Variants in DGKB observed in about 807,000 individuals in gnomAD.
DGKB encodes diacylglycerol kinase beta.
Under a neutral mutation model 114.3 loss-of-function variants are expected in DGKB, and 67 were observed. The observed-to-expected ratio is 0.59, with a 90% CI of 0.48 to 0.72. The LOEUF (loss-of-function observed/expected upper bound fraction) is 0.72. Ranked by LOEUF, DGKB falls within the 30% of genes least tolerant of loss-of-function variation. The pLI is 0.00. For missense variants in DGKB, 907 were observed against 975.2 expected, an observed-to-expected ratio of 0.93 and a Z score of 0.93; for synonymous variants, 398 against 323.1, an observed-to-expected ratio of 1.23 and a Z score of -2.49.
At chr7:14,919,708 T>C (rs544474773) in intron 1 of DGKB, among the ~76,000 whole-genome samples, 2 of 152,280 alleles carry the variant, frequency 1.3e-5, no homozygotes, top group East Asian at 1.9e-4. Flanking sequence ...ATCCCCAGTG[T>C]TGGAGGTGGG....
chr7:14,199,439 G>T (rs1252400872), intron 23 of DGKB, among the ~76,000 whole-genome samples: 1 of 151,976 alleles, frequency 6.6e-6, no homozygotes, highest in East Asian at 1.9e-4. Flanking sequence ...GACACCTCCG[G>T]AAAGGGCAAA....
intron 2 of DGKB, among the ~76,000 whole-genome samples, chr7:14,774,744 T>C (rs756331571): frequency 6.6e-6 from 1 of 152,190 alleles, no homozygotes; most frequent in African/African-American, 2.4e-5. Flanking sequence ...AGCAAATTTA[T>C]CTCAATTTTT....
At chr7:14,336,445 A>T (rs1325538258) in intron 23 of DGKB, among the ~76,000 whole-genome samples, 2 of 152,186 alleles carry the variant, frequency 1.3e-5, no homozygotes, top group African/African-American at 4.8e-5. Flanking sequence ...GTTTTTGCTC[A>T]TAGAATGACC....
chr7:14,852,026 A>G (rs1298248673), intron 1 of DGKB, among the ~76,000 whole-genome samples: 2 of 152,190 alleles, frequency 1.3e-5, no homozygotes, highest in African/African-American at 4.8e-5. Context: ...TGGCCTACCA[A>G]ATCTATAAAC....
intron 13 of DGKB, among the ~76,000 whole-genome samples, chr7:14,630,487 T>C (rs1809480144): frequency 6.6e-6 from 1 of 152,100 alleles, no homozygotes; most frequent in South Asian, 2.1e-4. Context: ...TGTGAAATTA[T>C]TTATCCAAAA....
intron 21 of DGKB, among the ~76,000 whole-genome samples, chr7:14,466,291 G>A (rs1228110521): frequency 6.6e-6 from 1 of 152,174 alleles, no homozygotes; most frequent in Non-Finnish European, 1.5e-5. Flanking sequence ...AGGTGTGGTG[G>A]CTCATGCCTG....
intron 20 of DGKB, among the ~76,000 whole-genome samples, chr7:14,542,275 C>T (rs1023914851): frequency 5.9e-5 from 9 of 152,074 alleles, no homozygotes; most frequent in African/African-American, 1.4e-4. Flanking sequence ...CATCCTGTCT[C>T]GTCTTTCCAA....
chr7:14,375,232 G>A (rs546028780), intron 21 of DGKB, among the ~76,000 whole-genome samples: 7 of 152,298 alleles, frequency 4.6e-5, no homozygotes, highest in Admixed American at 3.3e-4. Flanking sequence ...CCCAGACCTC[G>A]TTGGAGAAGC....
chr7:14,722,837 T>TA (rs771690852), intron 5 of DGKB, among the ~76,000 whole-genome samples: 3 of 151,712 alleles, frequency 2.0e-5, no homozygotes, highest in African/African-American at 4.8e-5. Flanking sequence ...TAAATAAAAA[T>TA]AAAAAAACTC....
intron 21 of DGKB, among the ~76,000 whole-genome samples, chr7:14,420,973 G>C (rs1002950394): frequency 6.6e-5 from 10 of 152,080 alleles, no homozygotes; most frequent in African/African-American, 2.4e-4. Flanking sequence ...CTGCGTCACA[G>C]ATGGAAAATG....
chr7:14,650,805 T>A (rs1457582269), intron 13 of DGKB, among the ~76,000 whole-genome samples: 1 of 146,168 alleles, frequency 6.8e-6, no homozygotes, highest in African/African-American at 2.6e-5. Context: ...TAAAAAATGA[T>A]AAAGGGGATA....
chr7:14,686,826 C>G (rs1192526227), intron 9 of DGKB, among the ~76,000 whole-genome samples: 1 of 152,078 alleles, frequency 6.6e-6, no homozygotes, highest in Non-Finnish European at 1.5e-5. Flanking sequence ...GTTTTGCAAA[C>G]AGAAGCACTG....
At position 14,621,394 on chromosome 7, in the gene DGKB, T is replaced by C; in HGVS notation, c.1268A>G (p.Asp423Gly). 2 of 1,608,348 alleles carry C rather than the reference T, an allele frequency of 1.2e-6. No homozygotes were observed. Among genetic ancestry groups the C allele is most frequent in the Non-Finnish European group, 1.7e-6 (2 of 1,176,044 alleles). The change falls in exon 15 of 26, where the codon GAT becomes GGT. Residue 423 changes from aspartate (D) to glycine (G), a missense_variant. By Grantham distance (94) the Asp-to-Gly change is moderately conservative. This residue lies in a region of DGKB where 814 missense variants were observed against 856.6 expected (regional missense o/e 0.95). Transcript: ENST00000402815. ...KMQRANSVTV[D>G]GQGLQVTPVP... ...AAATCATACCTGCAGGCCTTGTCCA[T>C]CTACAGTAACAGAGTTGGCTCTTTG...
At position 14,440,623 on chromosome 7, in the gene DGKB, A is replaced by T. The variant is rs373310159; in HGVS notation, c.1835+37538T>A. On this transcript the variant is annotated intron_variant, in intron 21 of 25. Coordinates refer to ENST00000402815, the MANE Select transcript of DGKB (RefSeq NM_001350709.2). ...GATATTCTATTGCTTGAATTTGCTA[A>T]CACAGTCTACTTACTCATCCACTGT... Among the ~76,000 whole-genome samples the T allele has an allele frequency of 3.5e-4, 53 of 152,302 alleles. 1 individual carries two copies. In the East Asian group the frequency reaches 5.0e-3, roughly 14 times the overall value.
intron 23 of DGKB, among the ~76,000 whole-genome samples, chr7:14,269,562 C>G (rs948957778): frequency 6.6e-6 from 1 of 152,190 alleles, no homozygotes; most frequent in Non-Finnish European, 1.5e-5. Flanking sequence ...ATTTCCCTGA[C>G]TCCACCTCTG....
At position 14,808,676 on chromosome 7, in the gene DGKB, C is replaced by G. The variant is rs531809563; in HGVS notation, c.70+32518G>C. Among the ~76,000 whole-genome samples, 3 of 152,088 alleles carry G rather than the reference C, an allele frequency of 2.0e-5. No homozygotes were observed. The East Asian group carries it at 5.8e-4, about 29-fold the overall frequency. On this transcript the variant is annotated intron_variant, in intron 2 of 25. Transcript: ENST00000402815. ...TTAAAACACAGGCTGTTACAGTAAC[C>G]CAGGTGGAAACTGATGAGAATAGAA...
chr7:14,355,115 C>T (rs1000785385), intron 21 of DGKB, among the ~76,000 whole-genome samples: 18 of 152,190 alleles, frequency 1.2e-4, no homozygotes, highest in African/African-American at 3.9e-4. Flanking sequence ...TGCCATTCAC[C>T]AGTTGACTTT....
chr7:14,342,474 A>C (rs114061157), intron 22 of DGKB, among the ~76,000 whole-genome samples: 1 of 152,040 alleles, frequency 6.6e-6, no homozygotes, highest in Non-Finnish European at 1.5e-5. Context: ...AATTTTAAAG[A>C]ATTTATTTTT....
chr7:14,504,170 G>T (rs1178236848), intron 20 of DGKB, among the ~76,000 whole-genome samples: 1 of 152,176 alleles, frequency 6.6e-6, no homozygotes, highest in Non-Finnish European at 1.5e-5. Context: ...GCATAGTAAT[G>T]ATAAGCCCTT....
Sources: gnomAD v4.1 joint callset for allele counts (sites outside exome capture counted in the v4.1 genomes callset) on GRCh38, gnomAD v4.1.1 for gene constraint, gnomAD v4.1.1 regional missense constraint, MANE v1.5 for transcripts, NCBI Gene and HGNC (gene_info 2026-07-23, HGNC 2026-07-21) for gene names.